RBM44: variants seen among roughly 807,000 people sequenced by gnomAD.
RBM44 encodes the protein RNA binding motif protein 44.
Under a neutral mutation model 105.1 loss-of-function variants are expected in RBM44, and 66 were observed. The observed-to-expected ratio is 0.63, with a 90% confidence interval of 0.52 to 0.77. RBM44 has a LOEUF of 0.77. RBM44 is among the 30% of genes least tolerant of loss of function. RBM44 has a pLI of 0.00. For missense variants in RBM44, 1,122 were observed against 1,207.8 expected, an observed-to-expected ratio of 0.93 and a Z score of 1.05; for synonymous variants, 365 against 417.6, an observed-to-expected ratio of 0.87 and a Z score of 1.54.
intron 2 of RBM44, among the ~76,000 whole-genome samples, chr2:237,816,146 A>G (rs576354657): frequency 6.6e-6 from 1 of 152,060 alleles, no homozygotes; most frequent in Non-Finnish European, 1.5e-5. Flanking sequence ...AATTTTGTCT[A>G]TTTTGTTTCA....
At chr2:237,833,766 T>C (rs1379553995) in intron 13 of RBM44, among the ~76,000 whole-genome samples, 4 of 152,158 alleles carry the variant, frequency 2.6e-5, no homozygotes, top group Non-Finnish European at 4.4e-5. Context: ...AGACATAGCC[T>C]CCTATAGTTT....
At position 237,841,980 on chromosome 2, in the gene RBM44, TA is replaced by T. The variant is rs2062015689; in HGVS notation, c.*168del. The T allele has an allele frequency of 6.6e-6, 1 of 152,092 alleles. No individual in the cohort carries two copies. The highest frequency in any genetic ancestry group is 1.5e-5 in the Non-Finnish European group (1 of 67,962). The allele number at this position is 152,092 out of a possible 1,614,324, so 9.4% of individuals were successfully genotyped here. ...AATATTCTACTTTATATCCCTCCTT[TA>T]AAATCTAGCAACAGTTGTCTATACA... On this transcript the variant is annotated 3_prime_UTR_variant, in exon 16 of 16. Coordinates refer to ENST00000316997, the MANE Select transcript of RBM44 (RefSeq NM_001080504.3). This position sits in a 1 kb window ranked among gnomAD's most constrained non-coding sequence, Gnocchi z 4.5.
chr2:237,829,716 A>G, intron 13 of RBM44, among the ~76,000 whole-genome samples: 1 of 152,196 alleles, frequency 6.6e-6, no homozygotes, highest in East Asian at 1.9e-4. Flanking sequence ...AAGCTAACGA[A>G]AAACTCGTTT....
chr2:237,837,816 T>C (rs2061974769), intron 15 of RBM44, among the ~76,000 whole-genome samples: 1 of 151,314 alleles, frequency 6.6e-6, no homozygotes, highest in Non-Finnish European at 1.5e-5. Flanking sequence ...GCCCAGAAAA[T>C]GCTTTCTTGA....
At chr2:237,822,312 C>CT (rs923168403) in intron 8 of RBM44, among the ~76,000 whole-genome samples, 5 of 152,046 alleles carry the variant, frequency 3.3e-5, no homozygotes, top group African/African-American at 1.2e-4. Context: ...TTTTCTTACT[C>CT]TTTCTTGTTC....
At position 237,800,809 on chromosome 2, in the gene RBM44, C is replaced by T. The variant is rs1009118970; in HGVS notation, c.-19+1948C>T. On this transcript the variant is annotated intron_variant, in intron 1 of 15. Transcript: ENST00000316997. Reference sequence around the variant, plus strand: ...TGGCATGATCTCGGCTCACTGCAACCTCCGCCTCCCAGGTTCAAGTGATTC... The same window carrying T: ...TGGCATGATCTCGGCTCACTGCAACTTCCGCCTCCCAGGTTCAAGTGATTC... Among the ~76,000 whole-genome samples the T allele has an allele frequency of 2.6e-5, 4 of 151,584 alleles. No homozygotes were observed. In the East Asian group the frequency reaches 7.8e-4, roughly 29 times the overall value.
intron 15 of RBM44, among the ~76,000 whole-genome samples, chr2:237,840,106 T>C (rs2061996984): frequency 6.8e-6 from 1 of 147,354 alleles, no homozygotes. Flanking sequence ...AAGGATCCCT[T>C]GAGCCTGGGA....
At chr2:237,826,129 G>C (rs1444520754) in intron 10 of RBM44, among the ~76,000 whole-genome samples, 1 of 151,970 alleles carries the variant, frequency 6.6e-6, no homozygotes, top group African/African-American at 2.4e-5. Context: ...CATTGGATAA[G>C]TGTTAGGCTA....
intron 10 of RBM44, among the ~76,000 whole-genome samples, chr2:237,825,442 G>C (rs1031274071): frequency 2.6e-5 from 4 of 152,190 alleles, no homozygotes; most frequent in Non-Finnish European, 2.9e-5. Flanking sequence ...CTGATCTCAA[G>C]TGATCCACCC....
At chr2:237,827,390 G>C in intron 11 of RBM44, 43 bp from the exon 12 acceptor site, 1 of 1,464,156 alleles carries the variant, frequency 6.8e-7, no homozygotes, top group South Asian at 1.3e-5. Context: ...CATATTTGTT[G>C]TTTTTTTCTA....
At chr2:237,828,341 A>G (rs1367804097) in intron 12 of RBM44, among the ~76,000 whole-genome samples, 1 of 152,154 alleles carries the variant, frequency 6.6e-6, no homozygotes, top group Non-Finnish European at 1.5e-5. Context: ...AAATGAAGTC[A>G]TATAATTGTA....
At chr2:237,821,505 C>T in intron 7 of RBM44, 137 bp downstream of exon 7, 2 of 784,690 alleles carry the variant, frequency 2.5e-6, no homozygotes. Flanking sequence ...TTTTTCTTGA[C>T]ATTTAATATT....
intron 10 of RBM44, among the ~76,000 whole-genome samples, chr2:237,826,012 C>G (rs1007192736): frequency 6.6e-6 from 1 of 152,112 alleles, no homozygotes; most frequent in African/African-American, 2.4e-5. Context: ...CCTCAGCATC[C>G]TTATCTGTAA....
intron 15 of RBM44, among the ~76,000 whole-genome samples, chr2:237,835,910 AGTC>A (rs1411871054): frequency 6.6e-6 from 1 of 152,178 alleles, no homozygotes; most frequent in African/African-American, 2.4e-5. Context: ...CATTCTAAGA[AGTC>A]GTCTTTCTAA....
rs188299636 is a variant in RBM44 at position 237,840,101 on chromosome 2, T to C, written c.*23-1738T>C. Among the ~76,000 whole-genome samples, 251 of 141,834 alleles carry C rather than the reference T, an allele frequency of 1.8e-3. 1 individual carries two copies. The highest frequency in any genetic ancestry group is 6.3e-3 in the African/African-American group (235 of 37,548). 93.0% of individuals were successfully genotyped at this position (141,834 alleles called of 152,430 possible). A position where few individuals can be genotyped will look rare whatever the true frequency, so the allele number is the denominator to read the frequency against. On this transcript the variant is annotated intron_variant, in intron 15 of 15. Transcript: ENST00000316997. ...CTACTCAGGAGGCTGAAGTGAAGGATCCCTTGAGCCTGGGAGGCAGAAGTT... is the reference window on the plus strand; with the variant it reads ...CTACTCAGGAGGCTGAAGTGAAGGACCCCTTGAGCCTGGGAGGCAGAAGTT...
At chr2:237,827,390 G>GT (rs1027940206) in intron 11 of RBM44, 43 bp from the exon 12 acceptor site, 13 of 1,464,030 alleles carry the variant, frequency 8.9e-6, no homozygotes, top group East Asian at 2.4e-5. Context: ...CATATTTGTT[G>GT]TTTTTTTCTA....
chr2:237,818,473 G>A lies in RBM44; in HGVS notation c.1554G>A (p.Val518=). 6.2e-7 allele frequency: 1 copy of A among 1,612,798 alleles called. No homozygotes were observed. Among genetic ancestry groups the A allele is most frequent in the Non-Finnish European group, 8.5e-7 (1 of 1,179,370 alleles). ...DEWQNEKQKS[V]ACSTDWSYSE... ...GGCAAAATGAGAAACAAAAAAGTGTGGCTTGTAGTACAGATTGGTCATACA... is the reference window on the plus strand; with the variant it reads ...GGCAAAATGAGAAACAAAAAAGTGTAGCTTGTAGTACAGATTGGTCATACA... The change falls in exon 3 of 16, where the codon GTG becomes GTA. Residue 518 remains valine (V), a synonymous_variant. Transcript: ENST00000316997. This position sits in a 1 kb window ranked among gnomAD's most constrained non-coding sequence, Gnocchi z 4.6.
intron 4 of RBM44, among the ~76,000 whole-genome samples, chr2:237,819,945 G>A (rs981799822): frequency 1.3e-5 from 2 of 151,798 alleles, no homozygotes; most frequent in African/African-American, 2.4e-5. Context: ...GTAAAAGAAA[G>A]TATGAATTTG....
chr2:237,817,383 TTGG>T lies in RBM44; in HGVS notation c.465_467del (p.Gly156del), dbSNP rs2061731107. On this transcript the variant is annotated inframe_deletion, in exon 3 of 16. Coordinates refer to ENST00000316997, the MANE Select transcript of RBM44 (RefSeq NM_001080504.3). ...ATTTTGGAACATCAAGATAAGACTG[TTGG>T]CTTGGAAAGAATCTACAATATTTCA... 3.1e-6 allele frequency: 5 copies of T among 1,604,030 alleles called. No homozygotes were observed. The Admixed American group carries it at 5.2e-5, about 17-fold the overall frequency.
Sources: allele counts gnomAD v4.1 joint callset (sites outside exome capture counted in the v4.1 genomes callset), GRCh38; gene constraint gnomAD v4.1.1; non-coding constraint Gnocchi (gnomAD v3.1); transcripts MANE v1.5; gene names NCBI Gene and HGNC (gene_info 2026-07-23, HGNC 2026-07-21).